The following RSPO2 variants were observed in gnomAD, a reference collection of about 807,000 sequenced individuals.
RSPO2 encodes the protein R-spondin 2, also known as R-spondin-2.
In RSPO2, 14 loss-of-function variants were observed where a neutral mutation model predicts 30.9. That is an observed-to-expected ratio of 0.45 (90% CI 0.30 to 0.71). The LOEUF (loss-of-function observed/expected upper bound fraction) is 0.71. Among genes scored for constraint, RSPO2 ranks in the 30% least tolerant of loss-of-function variants. The probability of loss-of-function intolerance (pLI) is 0.08; values close to 1 mark genes in which losing one functional copy is unlikely to be tolerated. For synonymous variants in RSPO2, 107 were observed against 96.4 expected (o/e 1.11, Z -0.64); for missense variants, 264 against 301.9 (o/e 0.87, Z 0.93).
At chr8:107,918,549 C>T (rs1278230347) in intron 5 of RSPO2, among the ~76,000 whole-genome samples, 1 of 152,078 alleles carries the variant, frequency 6.6e-6, no homozygotes, top group Non-Finnish European at 1.5e-5. Context: ...ATATCACTTT[C>T]TAACAGACCC....
chr8:107,901,816 G>A (rs1027462323), intron 5 of RSPO2, among the ~76,000 whole-genome samples: 1 of 152,214 alleles, frequency 6.6e-6, no homozygotes, highest in Non-Finnish European at 1.5e-5. Flanking sequence ...AGAGCAAGAA[G>A]AATGCTTATT....
At chr8:107,909,908 A>C (rs1360682383) in intron 5 of RSPO2, among the ~76,000 whole-genome samples, 2 of 152,150 alleles carry the variant, frequency 1.3e-5, no homozygotes, top group Non-Finnish European at 2.9e-5. Context: ...CATTTAATTG[A>C]ATGTTTTGGG....
rs1010118799 is a variant in RSPO2 at position 107,958,019 on chromosome 8, T to A, written c.616+61A>T. 5 of 1,127,260 alleles carry A rather than the reference T, an allele frequency of 4.4e-6. No homozygotes were observed. The African/African-American group carries it at 7.8e-5, about 18-fold the overall frequency. The allele number at this position is 1,127,260 out of a possible 1,614,324, so 69.8% of individuals were successfully genotyped here. On this transcript the variant is annotated intron_variant, in intron 5 of 5. Transcript: ENST00000276659. ...TACTTATTTTTGGAAGGGAAGGTGGTTAGGAAGCGGGAGAATTCAGGAAGC... is the reference window on the plus strand; with the variant it reads ...TACTTATTTTTGGAAGGGAAGGTGGATAGGAAGCGGGAGAATTCAGGAAGC...
At chr8:107,924,539 C>T (rs763592114) in intron 5 of RSPO2, among the ~76,000 whole-genome samples, 5 of 151,848 alleles carry the variant, frequency 3.3e-5, no homozygotes, top group Non-Finnish European at 4.4e-5. Context: ...GCCAAAATGG[C>T]CAAGACTCCT....
intron 2 of RSPO2, among the ~76,000 whole-genome samples, chr8:108,048,523 C>T (rs1811975731): frequency 6.6e-6 from 1 of 152,006 alleles, no homozygotes; most frequent in African/African-American, 2.4e-5. Flanking sequence ...GCGATATCTC[C>T]TTTATCATTT....
At chr8:107,959,396 G>A (rs760652351) in intron 4 of RSPO2, among the ~76,000 whole-genome samples, 1 of 152,188 alleles carries the variant, frequency 6.6e-6, no homozygotes, top group Non-Finnish European at 1.5e-5. Flanking sequence ...AGGGGAGGGA[G>A]AGGAGGAAGT....
rs1815307530 is a variant in RSPO2, at chr8:108,003,233, G to A, written c.95-13989C>T. Among the ~76,000 whole-genome samples, 2 of 63,938 alleles carry A rather than the reference G, an allele frequency of 3.1e-5. 1 individual carries two copies. The highest frequency in any genetic ancestry group is 1.9e-4 in the African/African-American group (2 of 10,568). 41.9% of individuals were successfully genotyped at this position (63,938 alleles called of 152,430 possible). On this transcript the variant is annotated intron_variant, in intron 2 of 5. Coordinates refer to ENST00000276659, the MANE Select transcript of RSPO2 (RefSeq NM_178565.5). ...CACCTGGCTAATTTTGTATGTGTGT[G>A]TATATATGTATGTATGTATGTGTGT...
intron 3 of RSPO2, among the ~76,000 whole-genome samples, chr8:107,977,306 C>T (rs1460282987): frequency 6.6e-6 from 1 of 152,196 alleles, no homozygotes; most frequent in African/African-American, 2.4e-5. Flanking sequence ...TTGAGCCAGT[C>T]GGGTCAGCCA....
chr8:107,913,101 T>A (rs1024289070), intron 5 of RSPO2, among the ~76,000 whole-genome samples: 3 of 152,158 alleles, frequency 2.0e-5, no homozygotes, highest in Middle Eastern at 3.2e-3. Flanking sequence ...TATCCCAAAT[T>A]TTCAGAAGAA....
Position 108,082,531 on chromosome 8 carries a change from A to G in RSPO2, c.94+14T>C, listed in dbSNP as rs1813239333. ...CTGAAGCCCACCACGCACCTTTGGC[A>G]GAGAGGGACCCACCTCGCTTACTGC... is the stretch of plus-strand genomic sequence containing the variant. On this transcript the variant is annotated intron_variant, in intron 2 of 5. Coordinates refer to ENST00000276659, the MANE Select transcript of RSPO2 (RefSeq NM_178565.5). 6.2e-7 allele frequency: 1 copy of G among 1,608,842 alleles called. No homozygotes were observed. Among genetic ancestry groups the G allele is most frequent in the African/African-American group, 1.3e-5 (1 of 74,920 alleles).
At chr8:108,025,376 G>A (rs982205468) in intron 2 of RSPO2, among the ~76,000 whole-genome samples, 3 of 152,190 alleles carry the variant, frequency 2.0e-5, no homozygotes, top group Admixed American at 6.5e-5. Context: ...AAACAGAGAA[G>A]TTTAAAGGAG....
At chr8:107,961,216 T>C (rs1345944391) in intron 3 of RSPO2, among the ~76,000 whole-genome samples, 1 of 152,196 alleles carries the variant, frequency 6.6e-6, no homozygotes, top group Non-Finnish European at 1.5e-5. Context: ...TGTTTGTGTA[T>C]AGTAAATGAG....
chr8:108,069,414 A>G (rs1812774241), intron 2 of RSPO2, among the ~76,000 whole-genome samples: 1 of 152,114 alleles, frequency 6.6e-6, no homozygotes, highest in Non-Finnish European at 1.5e-5. Flanking sequence ...GGGTTTCACC[A>G]TGTTGGCCAG....
At chr8:107,931,617 A>G (rs527973404) in intron 5 of RSPO2, among the ~76,000 whole-genome samples, 6 of 152,264 alleles carry the variant, frequency 3.9e-5, no homozygotes, top group African/African-American at 1.4e-4. Flanking sequence ...GAAACAACCA[A>G]CGGATGTAAG....
chr8:107,926,917 T>C (rs1418509391), intron 5 of RSPO2, among the ~76,000 whole-genome samples: 1 of 152,198 alleles, frequency 6.6e-6, no homozygotes, highest in Non-Finnish European at 1.5e-5. Flanking sequence ...AAGTAGTTTT[T>C]TCCAATTCTG....
intron 2 of RSPO2, among the ~76,000 whole-genome samples, chr8:108,047,730 A>G (rs889442128): frequency 6.6e-6 from 1 of 152,078 alleles, no homozygotes; most frequent in Non-Finnish European, 1.5e-5. Flanking sequence ...ACATACCTGT[A>G]GTCCCAGCTA....
At chr8:108,032,832 G>C (rs1164179107) in intron 2 of RSPO2, among the ~76,000 whole-genome samples, 1 of 151,744 alleles carries the variant, frequency 6.6e-6, no homozygotes, top group Non-Finnish European at 1.5e-5. Context: ...GGCCGAGGCA[G>C]GCGGATCACA....
intron 5 of RSPO2, among the ~76,000 whole-genome samples, chr8:107,920,440 G>A (rs1330154375): frequency 6.6e-6 from 1 of 152,016 alleles, no homozygotes; most frequent in African/African-American, 2.4e-5. Flanking sequence ...ATCATAAGGA[G>A]CTTCTAAAAA....
At chr8:107,922,297 A>G (rs1026236278) in intron 5 of RSPO2, among the ~76,000 whole-genome samples, 3 of 152,174 alleles carry the variant, frequency 2.0e-5, no homozygotes, top group Non-Finnish European at 2.9e-5. Flanking sequence ...TAGCATTCCT[A>G]TACACCAACA....
Sources: allele counts gnomAD v4.1 joint callset (sites outside exome capture counted in the v4.1 genomes callset), GRCh38; gene constraint gnomAD v4.1.1; transcripts MANE v1.5; gene names NCBI Gene and HGNC (gene_info 2026-07-23, HGNC 2026-07-21).